The following LRRK2 variants were observed in gnomAD, a reference collection of about 807,000 sequenced individuals.
The protein encoded by LRRK2 is leucine rich repeat kinase 2, also known as leucine-rich repeat serine/threonine-protein kinase 2.
Under a neutral mutation model 302.6 loss-of-function variants are expected in LRRK2, and 203 were observed. That is an observed-to-expected ratio of 0.67 (90% CI 0.60 to 0.75). The LOEUF (loss-of-function observed/expected upper bound fraction) is 0.75, where lower values mean the gene tolerates loss of function less well. LRRK2 is among the 30% of genes least tolerant of loss of function. The pLI is 0.00. For missense variants in LRRK2, 2,830 were observed against 2,951.0 expected, an observed-to-expected ratio of 0.96 and a Z score of 0.95; for synonymous variants, 1,066 against 1,031.9, an observed-to-expected ratio of 1.03 and a Z score of -0.63.
intron 38 of LRRK2, among the ~76,000 whole-genome samples, chr12:40,326,444 C>A (rs1945552301): frequency 7.2e-6 from 1 of 139,778 alleles, no homozygotes; most frequent in Non-Finnish European, 1.5e-5. Flanking sequence ...CCAGCCCGGG[C>A]GACAGAGCGA....
intron 48 of LRRK2, 48 bp from the exon 49 acceptor site, chr12:40,364,794 A>G (rs1490947997): frequency 1.5e-6 from 2 of 1,342,328 alleles, no homozygotes; most frequent in African/African-American, 1.5e-5. Flanking sequence ...AATAGCATTT[A>G]TCTCTTAATT....
chr12:40,313,901 G>T, intron 31 of LRRK2, 71 bp from the exon 32 acceptor site: 1 of 1,311,742 alleles, frequency 7.6e-7, no homozygotes. Context: ...TGTTAGCACT[G>T]AATTTGCCAA....
At chr12:40,294,128 CTATCATCTATCTATCT>C (rs1163491326) in intron 21 of LRRK2, among the ~76,000 whole-genome samples, 9 of 110,320 alleles carry the variant, frequency 8.2e-5, no homozygotes, top group Admixed American at 2.1e-4. Context: ...ATCTATCTAT[CTATCATCTATCTATCT>C]ATCTATCTAT....
chr12:40,295,605 C>T lies in LRRK2; in HGVS notation c.3057C>T (p.His1019=). ...AGCATCTTGAAAAGCTGGAGCTTCA[C>T]CAGAATGCACTCACGAGCTTTCCAC... ...HLEHLEKLEL[H]QNALTSFPQQ... Residue 1019 remains histidine (H), a synonymous_variant, in exon 23 of 51, where the codon CAC becomes CAT. Coordinates refer to ENST00000298910, the MANE Select transcript of LRRK2 (RefSeq NM_198578.4). 6.2e-7 allele frequency: 1 copy of T among 1,613,982 alleles called. No individual in the cohort carries two copies. The highest frequency in any genetic ancestry group is 1.3e-5 in the African/African-American group (1 of 75,034).
chr12:40,358,634 T>C (rs1334701754), intron 46 of LRRK2, among the ~76,000 whole-genome samples: 1 of 152,218 alleles, frequency 6.6e-6, no homozygotes, highest in Admixed American at 6.5e-5. Context: ...CCTTGTAATA[T>C]ATTTTCAAGT....
At chr12:40,359,104 GT>G (rs1158925809) in intron 46 of LRRK2, among the ~76,000 whole-genome samples, 155 bp from the exon 47 acceptor site, 11 of 151,518 alleles carry the variant, frequency 7.3e-5, no homozygotes, top group African/African-American at 2.4e-4. Flanking sequence ...AGAACTAAGA[GT>G]TTTTTTTAAT....
At chr12:40,326,476 A>AC in intron 38 of LRRK2, among the ~76,000 whole-genome samples, 1 of 140,778 alleles carries the variant, frequency 7.1e-6, no homozygotes, top group South Asian at 2.3e-4. Flanking sequence ...AAAAAAAAAA[A>AC]GAAAAAAAAA....
chr12:40,293,896 CAT>C (rs1407049752), intron 21 of LRRK2, among the ~76,000 whole-genome samples: 24 of 84,250 alleles, frequency 2.8e-4, no homozygotes, highest in East Asian at 8.0e-4. Context: ...TTTTGGGGCA[CAT>C]ATATATATAT....
At chr12:40,292,397 T>C (rs1033021724) in intron 20 of LRRK2, among the ~76,000 whole-genome samples, 3 of 152,124 alleles carry the variant, frequency 2.0e-5, no homozygotes, top group East Asian at 3.9e-4. Context: ...TTCAAGTATT[T>C]TTCAAGAAAA....
chr12:40,300,830 G>T (rs1944596510), intron 25 of LRRK2: 1 of 471,116 alleles, frequency 2.1e-6, no homozygotes, highest in South Asian at 1.5e-5. Context: ...ATGCTCTGTG[G>T]TACCTCAGGG....
rs1942323010 is a variant in LRRK2, at chr12:40,252,615, A to G, written c.1182-295A>G. 2.0e-5 allele frequency among the ~76,000 whole-genome samples: 3 copies of G among 152,104 alleles called. No homozygotes were observed. In the South Asian group the frequency reaches 6.2e-4, roughly 31 times the overall value. ...TTTCAGTTTTTCCTCTCTTGTTTCCATTCTCTTCTCCTCACTTTACCTTTT... is the reference window on the plus strand; with the variant it reads ...TTTCAGTTTTTCCTCTCTTGTTTCCGTTCTCTTCTCCTCACTTTACCTTTT... On this transcript the variant is annotated intron_variant, in intron 10 of 50. Transcript: ENST00000298910.
At chr12:40,314,681 C>T (rs114211197) in intron 32 of LRRK2, among the ~76,000 whole-genome samples, 16 of 152,108 alleles carry the variant, frequency 1.1e-4, no homozygotes, top group African/African-American at 3.9e-4. Flanking sequence ...CTCAAAGCAA[C>T]TTCAGTGCTA....
chr12:40,301,916 T>C lies in LRRK2; in HGVS notation c.3497-873T>C, dbSNP rs543452452. Among the ~76,000 whole-genome samples the C allele has an allele frequency of 3.9e-5, 6 of 152,296 alleles. No homozygotes were observed. The South Asian group carries it at 6.2e-4, about 16-fold the overall frequency. ...AAAGTAGGCCAGGCACGGTGGCTCA[T>C]GCCTGTAATCCCAGCACTTTGGGAG... is the stretch of plus-strand genomic sequence containing the variant. On this transcript the variant is annotated intron_variant, in intron 25 of 50. Coordinates refer to ENST00000298910, the MANE Select transcript of LRRK2 (RefSeq NM_198578.4).
chr12:40,242,433 T>C (rs1048290953), intron 6 of LRRK2, among the ~76,000 whole-genome samples: 1 of 152,110 alleles, frequency 6.6e-6, no homozygotes, highest in Admixed American at 6.6e-5. Flanking sequence ...TAATTGCTTT[T>C]TCTGGTAGAG....
At chr12:40,307,781 C>CTTTTTTTT (rs201473630) in intron 28 of LRRK2, among the ~76,000 whole-genome samples, 4 of 119,408 alleles carry the variant, frequency 3.3e-5, no homozygotes, top group Admixed American at 1.9e-4. Context: ...CTTTTCTTTT[C>CTTTTTTTT]TTTTTTTTTT....
At chr12:40,288,702 G>C (rs985788519) in intron 20 of LRRK2, among the ~76,000 whole-genome samples, 3 of 151,758 alleles carry the variant, frequency 2.0e-5, no homozygotes, top group African/African-American at 7.2e-5. Flanking sequence ...TGTAGAGGAT[G>C]TTTTCATGTT....
At chr12:40,243,509 C>T (rs765908080) in intron 6 of LRRK2, 41 bp from the exon 7 acceptor site, 1 of 1,604,516 alleles carries the variant, frequency 6.2e-7, no homozygotes, top group Non-Finnish European at 8.5e-7. Flanking sequence ...GAAAGGAGAA[C>T]ATGGTTACCT....
At chr12:40,272,395 C>T (rs773825524) in intron 14 of LRRK2, among the ~76,000 whole-genome samples, 1 of 152,156 alleles carries the variant, frequency 6.6e-6, no homozygotes, top group African/African-American at 2.4e-5. Flanking sequence ...CTTGTGTGCT[C>T]ACAGCTCTCT....
intron 25 of LRRK2, among the ~76,000 whole-genome samples, chr12:40,302,369 A>G (rs1373054954): frequency 1.3e-5 from 2 of 152,108 alleles, no homozygotes; most frequent in Non-Finnish European, 2.9e-5. Flanking sequence ...AGCTAGTACC[A>G]TAAAGAATTT....
Sources: allele counts gnomAD v4.1 joint callset (sites outside exome capture counted in the v4.1 genomes callset), GRCh38; gene constraint gnomAD v4.1.1; transcripts MANE v1.5; gene names NCBI Gene and HGNC (gene_info 2026-07-23, HGNC 2026-07-21).